Variants in HMGA2 observed in about 807,000 individuals in gnomAD.
The protein encoded by HMGA2 is high mobility group protein HMGI-C.
A neutral mutation model predicts 19.1 loss-of-function variants in HMGA2; 8 were observed. The observed-to-expected ratio is 0.42, with a 90% confidence interval of 0.25 to 0.76. HMGA2 has a LOEUF of 0.76. Ranked by LOEUF, HMGA2 falls within the 30% of genes least tolerant of loss-of-function variation. The probability of loss-of-function intolerance (pLI) is 0.28; values close to 1 mark genes in which losing one functional copy is unlikely to be tolerated. For missense variants in HMGA2, 109 were observed against 136.3 expected, an observed-to-expected ratio of 0.80 and a Z score of 1.00; for synonymous variants, 60 against 48.8, an observed-to-expected ratio of 1.23 and a Z score of -0.96.
chr12:65,873,197 T>A (rs922731274), intron 3 of HMGA2, among the ~76,000 whole-genome samples: 6 of 152,228 alleles, frequency 3.9e-5, no homozygotes, highest in African/African-American at 1.2e-4. Context: ...CTATGTCTCA[T>A]CTATCTTTGT....
At chr12:65,887,373 A>C (rs1873701784) in intron 3 of HMGA2, among the ~76,000 whole-genome samples, 1 of 152,166 alleles carries the variant, frequency 6.6e-6, no homozygotes, top group African/African-American at 2.4e-5. Flanking sequence ...CGATCACCTG[A>C]GGTCAGGAGT....
intron 4 of HMGA2, among the ~76,000 whole-genome samples, chr12:65,963,030 A>G (rs1876796438): frequency 6.6e-6 from 1 of 152,168 alleles, no homozygotes; most frequent in South Asian, 2.1e-4. Flanking sequence ...GCCTTAAGTC[A>G]ACAGTGGCTA....
At chr12:65,875,291 ATAC>A (rs1359493997) in intron 3 of HMGA2, among the ~76,000 whole-genome samples, 2 of 152,180 alleles carry the variant, frequency 1.3e-5, no homozygotes, top group African/African-American at 4.8e-5. Flanking sequence ...TGAGTAAATG[ATAC>A]TATTCTAAGG....
intron 3 of HMGA2, among the ~76,000 whole-genome samples, chr12:65,873,292 A>G (rs879686566): frequency 1.9e-4 from 29 of 152,328 alleles, no homozygotes; most frequent in Middle Eastern, 3.4e-3. Context: ...CACCTGTACC[A>G]TGAGCTCTCT....
intron 3 of HMGA2, among the ~76,000 whole-genome samples, chr12:65,908,022 G>A (rs771192093): frequency 6.6e-6 from 1 of 152,042 alleles, no homozygotes; most frequent in Non-Finnish European, 1.5e-5. Context: ...TGAGATATCC[G>A]TAGAGTCTGC....
intron 3 of HMGA2, among the ~76,000 whole-genome samples, chr12:65,935,420 T>A (rs537818261): frequency 6.6e-6 from 1 of 152,348 alleles, no homozygotes; most frequent in African/African-American, 2.4e-5. Flanking sequence ...ATGACATCTC[T>A]TTGACAGAAA....
chr12:65,861,913 C>T (rs1467986721), intron 3 of HMGA2, among the ~76,000 whole-genome samples: 4 of 150,386 alleles, frequency 2.7e-5, no homozygotes, highest in African/African-American at 4.9e-5. Context: ...GGCGCGATCT[C>T]GGCTCACTGC....
At chr12:65,948,058 C>T (rs1006411346) in intron 3 of HMGA2, among the ~76,000 whole-genome samples, 1 of 151,990 alleles carries the variant, frequency 6.6e-6, no homozygotes, top group Non-Finnish European at 1.5e-5. Flanking sequence ...AATCAGTAGA[C>T]TCGGGTTGTT....
chr12:65,859,985 C>T (rs532899204), intron 3 of HMGA2: 29 of 440,948 alleles, frequency 6.6e-5, no homozygotes, highest in South Asian at 1.3e-4. Context: ...CCCAGCTACT[C>T]GGGAGGCTGA....
At chr12:65,856,903 C>T (rs1037855784) in intron 3 of HMGA2, 1 of 152,216 alleles carries the variant, frequency 6.6e-6, no homozygotes, top group Admixed American at 6.5e-5. Context: ...ACCCCACTGA[C>T]TTCATCCTAC....
chr12:65,892,785 C>T (rs571966697), intron 3 of HMGA2, among the ~76,000 whole-genome samples: 67 of 152,270 alleles, frequency 4.4e-4, no homozygotes, highest in African/African-American at 1.6e-3. Flanking sequence ...AAAACTAGAG[C>T]TGGCCAGCTG....
At chr12:65,870,156 A>G (rs1872638214) in intron 3 of HMGA2, among the ~76,000 whole-genome samples, 1 of 152,238 alleles carries the variant, frequency 6.6e-6, no homozygotes, top group East Asian at 1.9e-4. Flanking sequence ...AAGACCTTTC[A>G]GTCTAGGGGT....
chr12:65,860,485 C>A (rs1871999323), intron 3 of HMGA2, among the ~76,000 whole-genome samples: 1 of 152,208 alleles, frequency 6.6e-6, no homozygotes, highest in Non-Finnish European at 1.5e-5. Context: ...TTATAGCATT[C>A]TCCATTTTCT....
intron 3 of HMGA2, among the ~76,000 whole-genome samples, chr12:65,840,277 T>C (rs1328940602): frequency 6.6e-6 from 1 of 152,146 alleles, no homozygotes; most frequent in Non-Finnish European, 1.5e-5. Flanking sequence ...ATTCTTTGGG[T>C]CAAGGATAGG....
At chr12:65,858,703 G>A (rs769954762) in intron 3 of HMGA2, 1 of 152,066 alleles carries the variant, frequency 6.6e-6, no homozygotes, top group African/African-American at 2.4e-5. Flanking sequence ...ATTAAATATT[G>A]CAGTAATGGT....
At chr12:65,911,947 A>T (rs1384382904) in intron 3 of HMGA2, among the ~76,000 whole-genome samples, 4 of 152,210 alleles carry the variant, frequency 2.6e-5, no homozygotes, top group Non-Finnish European at 5.9e-5. Flanking sequence ...TGATAGTGGC[A>T]TCTCTATACT....
chr12:65,829,863 G>C (rs1213979494), intron 2 of HMGA2, among the ~76,000 whole-genome samples: 5 of 151,922 alleles, frequency 3.3e-5, no homozygotes, highest in Non-Finnish European at 7.4e-5. Flanking sequence ...TTTTAAAGTT[G>C]ATCTATTCCT....
intron 4 of HMGA2, chr12:65,952,387 C>G (rs746085399): frequency 6.5e-7 from 1 of 1,534,862 alleles, no homozygotes. Context: ...AAGGACCACC[C>G]GGGCAATCTT....
chr12:65,896,550 T>C (rs1287206092), intron 3 of HMGA2, among the ~76,000 whole-genome samples: 2 of 152,228 alleles, frequency 1.3e-5, no homozygotes, highest in Non-Finnish European at 2.9e-5. Flanking sequence ...GCTTTTTCCT[T>C]CTTCCTCCTC....
Sources: gnomAD v4.1 joint callset for allele counts (sites outside exome capture counted in the v4.1 genomes callset) on GRCh38, gnomAD v4.1.1 for gene constraint, MANE v1.5 for transcripts, NCBI Gene and HGNC (gene_info 2026-07-23, HGNC 2026-07-21) for gene names.